The following SLC9A9 variants were observed in gnomAD, a reference collection of about 807,000 sequenced individuals.
SLC9A9 encodes sodium/hydrogen exchanger 9.
A neutral mutation model predicts 77.8 loss-of-function variants in SLC9A9; 62 were observed. The ratio of observed to expected loss-of-function variants is 0.80; its 90% CI spans 0.65 to 0.98. The LOEUF is 0.98. Ranked by LOEUF, SLC9A9 falls within the 50% of genes least tolerant of loss-of-function variation. SLC9A9 has a pLI of 0.00. For synonymous variants in SLC9A9, 320 were observed against 283.5 expected, an observed-to-expected ratio of 1.13 and a Z score of -1.29; for missense variants, 775 against 774.9, an observed-to-expected ratio of 1.00 and a Z score of 0.00.
intron 7 of SLC9A9, among the ~76,000 whole-genome samples, chr3:143,575,820 A>C (rs892981145): frequency 6.6e-6 from 1 of 152,210 alleles, no homozygotes; most frequent in Non-Finnish European, 1.5e-5. Flanking sequence ...CTACAACCCG[A>C]GGAGACAGCC....
intron 13 of SLC9A9, 115 bp from the exon 14 acceptor site, chr3:143,363,678 A>G: frequency 1.1e-6 from 1 of 936,480 alleles, no homozygotes; most frequent in South Asian, 1.5e-5. Flanking sequence ...CTTTCTAAGT[A>G]TAGGCATTTT....
chr3:143,789,220 G>A (rs945818271), intron 4 of SLC9A9, among the ~76,000 whole-genome samples: 4 of 151,946 alleles, frequency 2.6e-5, no homozygotes, highest in Admixed American at 2.0e-4. Flanking sequence ...CATACTTTAC[G>A]GCCACCCTGA....
chr3:143,533,156 AT>A (rs1490616917), intron 9 of SLC9A9, among the ~76,000 whole-genome samples: 1 of 152,250 alleles, frequency 6.6e-6, no homozygotes, highest in Non-Finnish European at 1.5e-5. Context: ...TGCTGGGCAC[AT>A]TTCTAGACAC....
At chr3:143,360,682 A>G (rs1298568944) in intron 14 of SLC9A9, among the ~76,000 whole-genome samples, 1 of 152,186 alleles carries the variant, frequency 6.6e-6, no homozygotes, top group Non-Finnish European at 1.5e-5. Context: ...GAAAAAGAAA[A>G]AACAAAACTA....
chr3:143,366,049 A>G (rs1009592356), intron 13 of SLC9A9, among the ~76,000 whole-genome samples: 2 of 152,220 alleles, frequency 1.3e-5, no homozygotes, highest in African/African-American at 4.8e-5. Flanking sequence ...AAAAGCTGAT[A>G]AAAAGGAATG....
chr3:143,741,763 C>T (rs147901677), intron 4 of SLC9A9, among the ~76,000 whole-genome samples: 22 of 152,202 alleles, frequency 1.4e-4, no homozygotes, highest in African/African-American at 4.8e-4. Context: ...GATCTTCCCC[C>T]TAACCCATTG....
chr3:143,501,478 C>T lies in SLC9A9; in HGVS notation c.1090-6030G>A, dbSNP rs117544757. Among the ~76,000 whole-genome samples, 475 of 150,832 alleles carry T rather than the reference C, an allele frequency of 3.1e-3. 16 individuals carry two copies. The East Asian group carries it at 0.08, about 25-fold the overall frequency. On this transcript the variant is annotated intron_variant, in intron 9 of 15. Coordinates refer to ENST00000316549, the MANE Select transcript of SLC9A9 (RefSeq NM_173653.4). ...ATTCCTGACATGAGTTGTCCTCTCA[C>T]GAAGGGGATACGTTTTCTTTTTAAG...
At chr3:143,769,277 C>T (rs545623719) in intron 4 of SLC9A9, among the ~76,000 whole-genome samples, 27 of 152,112 alleles carry the variant, frequency 1.8e-4, no homozygotes, top group Non-Finnish European at 3.4e-4. Context: ...AATCTAAACT[C>T]GCCTGGGACC....
chr3:143,461,036 C>T (rs1978912), intron 12 of SLC9A9, among the ~76,000 whole-genome samples: 106,685 of 151,926 alleles, frequency 0.7, 38,157 homozygotes, highest in African/African-American at 0.83. Flanking sequence ...TGCGGATTGA[C>T]ATTGATTAAA....
rs547046006 is a variant in SLC9A9 at position 143,292,832 on chromosome 3, C to T, written c.1605-23852G>A. The stretch of plus-strand genomic sequence containing the variant: ...TGGACCAAGTGGCATATATGATCCC[C>T]GATCCCTCTGCACGTTGATGACACT... On this transcript the variant is annotated intron_variant, in intron 14 of 15. Transcript: ENST00000316549. Among the ~76,000 whole-genome samples the T allele has an allele frequency of 1.2e-4, 19 of 152,248 alleles. No individual in the cohort carries two copies. The East Asian group carries it at 1.3e-3, about 11-fold the overall frequency.
chr3:143,391,431 C>T (rs1410785788), intron 12 of SLC9A9, among the ~76,000 whole-genome samples: 1 of 152,186 alleles, frequency 6.6e-6, no homozygotes, highest in Non-Finnish European at 1.5e-5. Flanking sequence ...AAAGGACATC[C>T]ACACCAAAAC....
At chr3:143,707,086 GGA>G (rs1180650859) in intron 4 of SLC9A9, among the ~76,000 whole-genome samples, 3 of 152,126 alleles carry the variant, frequency 2.0e-5, no homozygotes, top group African/African-American at 7.2e-5. Flanking sequence ...TTCTGTGCCA[GGA>G]CATTTGACCA....
At chr3:143,650,124 T>C (rs2038772500) in intron 6 of SLC9A9, among the ~76,000 whole-genome samples, 2 of 151,668 alleles carry the variant, frequency 1.3e-5, no homozygotes, top group South Asian at 4.2e-4. Context: ...CCAGGAGGAG[T>C]GAGCTTTGTT....
chr3:143,382,246 T>C (rs959235411), intron 12 of SLC9A9, 132 bp from the exon 13 acceptor site: 21 of 934,498 alleles, frequency 2.2e-5, no homozygotes, highest in Non-Finnish European at 3.7e-5. Context: ...TCCTACGTCT[T>C]CTTGAATCAA....
In SLC9A9 at chr3:143,293,379, G is replaced by T. The variant is rs570934700; in HGVS notation, c.1605-24399C>A. On this transcript the variant is annotated intron_variant, in intron 14 of 15. Transcript: ENST00000316549. Reference sequence around the variant, plus strand: ...TTCTTCAGCCAAAAATCAATATTGTGTACATAAAGTTAGCTTTGCAATCAT... The same window carrying T: ...TTCTTCAGCCAAAAATCAATATTGTTTACATAAAGTTAGCTTTGCAATCAT... Among the ~76,000 whole-genome samples, 242 of 152,262 alleles carry T rather than the reference G, an allele frequency of 1.6e-3. 1 individual carries two copies. The highest frequency in any genetic ancestry group is 5.6e-3 in the African/African-American group (232 of 41,552).
intron 9 of SLC9A9, among the ~76,000 whole-genome samples, chr3:143,499,772 C>T (rs923479978): frequency 1.3e-5 from 2 of 152,030 alleles, no homozygotes; most frequent in Admixed American, 1.3e-4. Flanking sequence ...TAAAGAAGTT[C>T]CCTTTTGTCC....
chr3:143,472,979 C>T (rs2035404205), intron 11 of SLC9A9, among the ~76,000 whole-genome samples: 2 of 150,804 alleles, frequency 1.3e-5, no homozygotes. Context: ...ACCTCATCTC[C>T]AAATGGAGGT....
intron 4 of SLC9A9, among the ~76,000 whole-genome samples, chr3:143,702,550 TC>T (rs1198264116): frequency 3.6e-5 from 3 of 83,334 alleles, no homozygotes; most frequent in African/African-American, 7.6e-5. Flanking sequence ...AAACTGCAAA[TC>T]AAAAAAAAAT....
intron 13 of SLC9A9, among the ~76,000 whole-genome samples, chr3:143,368,502 C>T (rs1647192506): frequency 6.6e-6 from 1 of 152,170 alleles, no homozygotes; most frequent in Admixed American, 6.5e-5. Flanking sequence ...GATTGCTCCT[C>T]ATTTCAGGGG....
Sources: allele counts gnomAD v4.1 joint callset (sites outside exome capture counted in the v4.1 genomes callset), GRCh38; gene constraint gnomAD v4.1.1; transcripts MANE v1.5; gene names NCBI Gene and HGNC (gene_info 2026-07-23, HGNC 2026-07-21).